Variants in PDE1C observed in about 807,000 individuals in gnomAD.
PDE1C encodes the protein phosphodiesterase 1C, also known as dual specificity calcium/calmodulin-dependent 3',5'-cyclic nucleotide phosphodiesterase 1C.
In PDE1C, 62 loss-of-function variants were observed where a neutral mutation model predicts 93.1. That is an observed-to-expected ratio of 0.67 (90% confidence interval 0.54 to 0.82). The LOEUF is 0.82. Among genes scored for constraint, PDE1C ranks in the 40% least tolerant of loss-of-function variants. The pLI, the probability that PDE1C is intolerant of heterozygous loss-of-function variation, is 0.00. For missense variants in PDE1C, 742 were observed against 884.6 expected (o/e 0.84, Z 2.04); for synonymous variants, 325 against 310.1 (o/e 1.05, Z -0.50).
At chr7:32,239,286 A>AGGAGGCTGAGATG (rs888995154) in intron 1 of PDE1C, among the ~76,000 whole-genome samples, 8 of 152,122 alleles carry the variant, frequency 5.3e-5, no homozygotes, top group Admixed American at 5.2e-4. Context: ...CTAGCTACTC[A>AGGAGGCTGAGATG]GGAGGCTGAG....
Position 31,866,417 on chromosome 7 carries a change from C to T in PDE1C, c.610-1335G>A, listed in dbSNP as rs138381955. ...GGTTGTTTCACAGAGATCTAAGAGT[C>T]GCTGAAAGGGCTGTGTGTGTGCACA... On this transcript the variant is annotated intron_variant, in intron 6 of 17. Transcript: ENST00000396191. 2.3e-4 allele frequency among the ~76,000 whole-genome samples: 35 copies of T among 152,238 alleles called. 1 individual carries two copies. The highest frequency in any genetic ancestry group is 3.4e-3 in the Middle Eastern group (1 of 294).
chr7:32,113,872 G>T (rs138474357), intron 3 of PDE1C, among the ~76,000 whole-genome samples: 8 of 151,888 alleles, frequency 5.3e-5, no homozygotes, highest in Non-Finnish European at 1.2e-4. Flanking sequence ...AATGAACTCC[G>T]ATTCACAATT....
intron 2 of PDE1C, among the ~76,000 whole-genome samples, chr7:31,984,712 G>A (rs537489393): frequency 1.3e-5 from 2 of 152,296 alleles, no homozygotes; most frequent in South Asian, 4.1e-4. Flanking sequence ...CCTGAGGAAG[G>A]TCCCCTTTGA....
At chr7:31,763,468 C>A (rs67254948) in intron 17 of PDE1C, among the ~76,000 whole-genome samples, 32,278 of 151,988 alleles carry the variant, frequency 0.21, 3,659 homozygotes, top group Admixed American at 0.26. Flanking sequence ...ATGAAAAAAA[C>A]CATGGGCTTG....
intron 2 of PDE1C, among the ~76,000 whole-genome samples, chr7:31,958,251 T>G (rs1808432508): frequency 6.6e-6 from 1 of 152,168 alleles, no homozygotes; most frequent in African/African-American, 2.4e-5. Flanking sequence ...CTAATGAGCC[T>G]CCAACCAACA....
At chr7:31,833,425 G>A (rs192181828) in intron 11 of PDE1C, among the ~76,000 whole-genome samples, 2 of 152,196 alleles carry the variant, frequency 1.3e-5, no homozygotes, top group African/African-American at 4.8e-5. Flanking sequence ...AACAGGCAGA[G>A]GTTGGAACAG....
chr7:31,812,883 ACT>A (rs1159169925), intron 15 of PDE1C, among the ~76,000 whole-genome samples: 2 of 152,104 alleles, frequency 1.3e-5, no homozygotes, highest in African/African-American at 2.4e-5. Flanking sequence ...GAGCATTGAG[ACT>A]CACACAGATC....
intron 2 of PDE1C, among the ~76,000 whole-genome samples, chr7:31,906,470 G>A (rs970151012): frequency 6.6e-6 from 1 of 150,920 alleles, no homozygotes; most frequent in African/African-American, 2.4e-5. Flanking sequence ...GTAGAGTGAG[G>A]TACATTTCCT....
intron 3 of PDE1C, among the ~76,000 whole-genome samples, chr7:32,088,063 CA>C (rs1430252865): frequency 6.6e-6 from 1 of 151,664 alleles, no homozygotes; most frequent in African/African-American, 2.4e-5. Flanking sequence ...AAAATATTGG[CA>C]GGAAAACTTA....
intron 2 of PDE1C, among the ~76,000 whole-genome samples, chr7:32,019,603 C>T (rs1788380100): frequency 6.6e-6 from 1 of 152,020 alleles, no homozygotes; most frequent in South Asian, 2.1e-4. Context: ...GAAGCAAATA[C>T]CTAAATTAAG....
intron 16 of PDE1C, chr7:31,784,253 T>A (rs1316839990): frequency 6.6e-6 from 1 of 152,130 alleles, no homozygotes; most frequent in Non-Finnish European, 1.5e-5. Context: ...ATGTATTTAA[T>A]GCATAGGGTG....
chr7:32,066,578 T>C (rs1055947828), intron 1 of PDE1C, among the ~76,000 whole-genome samples: 3 of 152,120 alleles, frequency 2.0e-5, no homozygotes, highest in African/African-American at 4.8e-5. Flanking sequence ...TCTGACATCA[T>C]CTAGCAGGCT....
chr7:32,157,473 C>CA (rs537458919), intron 3 of PDE1C, among the ~76,000 whole-genome samples: 23 of 151,166 alleles, frequency 1.5e-4, no homozygotes, highest in African/African-American at 5.1e-4. Context: ...CAATAAAATA[C>CA]AAAAAAAATA....
chr7:31,959,684 T>C (rs1808647259), intron 2 of PDE1C, among the ~76,000 whole-genome samples: 1 of 152,194 alleles, frequency 6.6e-6, no homozygotes, highest in South Asian at 2.1e-4. Context: ...AAACATAGAC[T>C]AGAATGAAAA....
chr7:31,778,212 T>C (rs1377383280), intron 16 of PDE1C, among the ~76,000 whole-genome samples: 2 of 152,194 alleles, frequency 1.3e-5, no homozygotes, highest in Non-Finnish European at 2.9e-5. Flanking sequence ...CCCCAGTGGA[T>C]GCCCGTCGCA....
chr7:31,988,995 CAAAAAA>C (rs36081234), intron 2 of PDE1C, among the ~76,000 whole-genome samples: 419 of 34,186 alleles, frequency 0.012, 2 homozygotes, highest in African/African-American at 0.041. Flanking sequence ...AACTTCTTCT[CAAAAAA>C]AAAAAAAAAA....
intron 2 of PDE1C, among the ~76,000 whole-genome samples, chr7:32,178,203 C>A (rs7785525): frequency 0.34 from 51,321 of 151,990 alleles, 9,973 homozygotes; most frequent in East Asian, 0.59. Flanking sequence ...GAAAATACAG[C>A]CAGAATCTAA....
chr7:31,838,069 C>A (rs1022416316), intron 9 of PDE1C, 98 bp from the exon 10 acceptor site: 2 of 749,138 alleles, frequency 2.7e-6, no homozygotes, highest in Non-Finnish European at 2.3e-6. Flanking sequence ...AATCAGTCAA[C>A]GATTTCTGAC....
At chr7:31,679,999 G>A in the PDE1C span, among the ~76,000 whole-genome samples, 1 of 152,208 alleles carries the variant, frequency 6.6e-6, no homozygotes, top group Admixed American at 6.5e-5. Context: ...ATTCCCATGT[G>A]CTGCAGGTGG....
Sources: gnomAD v4.1 joint callset for allele counts (sites outside exome capture counted in the v4.1 genomes callset) on GRCh38, gnomAD v4.1.1 for gene constraint, MANE v1.5 for transcripts, NCBI Gene and HGNC (gene_info 2026-07-23, HGNC 2026-07-21) for gene names.